ATXN1: variants seen among roughly 807,000 people sequenced by gnomAD.
ATXN1 encodes the protein ataxin 1.
A neutral mutation model predicts 56.4 loss-of-function variants in ATXN1; 8 were observed. The observed-to-expected ratio is 0.14, with a 90% CI of 0.08 to 0.26. The LOEUF is 0.26. ATXN1 is among the 10% of genes least tolerant of loss of function. ATXN1 has a pLI of 1.00. For synonymous variants in ATXN1, 514 were observed against 494.6 expected (o/e 1.04, Z -0.52); for missense variants, 987 against 1,106.5 (o/e 0.89, Z 1.53).
At chr6:16,331,325 A>G (rs1411708646) in intron 6 of ATXN1, among the ~76,000 whole-genome samples, 2 of 152,210 alleles carry the variant, frequency 1.3e-5, no homozygotes, top group African/African-American at 4.8e-5. Flanking sequence ...GTAAGTGACA[A>G]ATAACTGTGT....
At chr6:16,753,693 A>T (rs1214020923) in intron 1 of ATXN1, among the ~76,000 whole-genome samples, 1 of 152,248 alleles carries the variant, frequency 6.6e-6, no homozygotes, top group East Asian at 1.9e-4. Flanking sequence ...AAGGAGTATC[A>T]GGTGAAAATG....
chr6:16,564,862 C>A (rs983269015), intron 4 of ATXN1, among the ~76,000 whole-genome samples: 3 of 151,688 alleles, frequency 2.0e-5, no homozygotes, highest in Admixed American at 2.0e-4. Flanking sequence ...TTTAAATAAG[C>A]TATGCAGTCC....
In ATXN1 at chr6:16,307,675, CAA is replaced by C. The variant is rs60689654; in HGVS notation, c.1918-818_1918-817del. ...TGGGCCACAGAGTGAGACTCCGTCTCAAAAAAAAAAAAAAAAAGTCAATTTCC... is the reference window on the plus strand; with the variant it reads ...TGGGCCACAGAGTGAGACTCCGTCTCAAAAAAAAAAAAAAAGTCAATTTCC... On this transcript the variant is annotated intron_variant, in intron 7 of 7. Transcript: ENST00000436367. Among the ~76,000 whole-genome samples the C allele has an allele frequency of 4.1e-3, 387 of 94,986 alleles. 2 individuals carry two copies. Among genetic ancestry groups the C allele is most frequent in the Non-Finnish European group, 6.6e-3 (295 of 44,476 alleles). 62.3% of individuals were successfully genotyped at this position (94,986 alleles called of 152,430 possible).
intron 6 of ATXN1, among the ~76,000 whole-genome samples, chr6:16,339,509 C>T (rs1414635622): frequency 6.6e-6 from 1 of 152,174 alleles, no homozygotes; most frequent in Non-Finnish European, 1.5e-5. Context: ...TGCAAAGACC[C>T]CAAGACCTCC....
chr6:16,524,435 C>A (rs1274361041), intron 4 of ATXN1, among the ~76,000 whole-genome samples: 9 of 152,170 alleles, frequency 5.9e-5, no homozygotes, highest in Non-Finnish European at 1.2e-4. Flanking sequence ...CCTTTTCATC[C>A]TAACAACAGA....
intron 6 of ATXN1, among the ~76,000 whole-genome samples, chr6:16,357,490 A>T (rs550314077): frequency 3.9e-5 from 6 of 152,122 alleles, no homozygotes; most frequent in African/African-American, 1.4e-4. Flanking sequence ...GGCTGGTCTC[A>T]AACTCCTGAC....
intron 6 of ATXN1, among the ~76,000 whole-genome samples, chr6:16,452,893 G>A (rs1029260227): frequency 6.6e-6 from 1 of 152,214 alleles, no homozygotes; most frequent in Non-Finnish European, 1.5e-5. Flanking sequence ...GGATTCTGAT[G>A]AAAGTTTAGC....
chr6:16,594,613 T>C (rs190208), intron 3 of ATXN1, among the ~76,000 whole-genome samples: 3 of 151,826 alleles, frequency 2.0e-5, no homozygotes, highest in African/African-American at 4.8e-5. Context: ...CTCCCGAGTA[T>C]CTGGGACTAC....
chr6:16,635,914 G>T (rs1035015252), intron 3 of ATXN1, among the ~76,000 whole-genome samples: 51 of 152,172 alleles, frequency 3.4e-4, no homozygotes, highest in African/African-American at 1.2e-3. Context: ...AGCACAGTCC[G>T]TGCAAGGGAA....
intron 6 of ATXN1, among the ~76,000 whole-genome samples, chr6:16,480,846 T>C (rs1760424057): frequency 6.6e-6 from 1 of 152,114 alleles, no homozygotes; most frequent in African/African-American, 2.4e-5. Context: ...AGCTGAGTAC[T>C]TGAGGAAGAA....
At chr6:16,638,626 C>G (rs1763645013) in intron 3 of ATXN1, among the ~76,000 whole-genome samples, 1 of 152,104 alleles carries the variant, frequency 6.6e-6, no homozygotes, top group Admixed American at 6.6e-5. Flanking sequence ...TATAAATGAC[C>G]AAGATCAACA....
intron 2 of ATXN1, among the ~76,000 whole-genome samples, chr6:16,700,022 C>A (rs1349855978): frequency 6.6e-6 from 1 of 152,176 alleles, no homozygotes; most frequent in African/African-American, 2.4e-5. Flanking sequence ...TATTCCAAGT[C>A]ACAAAATAAA....
At chr6:16,759,044 A>AG (rs964922113) in intron 1 of ATXN1, among the ~76,000 whole-genome samples, 52 of 152,348 alleles carry the variant, frequency 3.4e-4, no homozygotes, top group African/African-American at 1.2e-3. Flanking sequence ...GGTGGGCTTA[A>AG]GGGGGGCTTC....
In ATXN1 at chr6:16,380,262, T is replaced by A. The variant is rs1211215416; in HGVS notation, c.-160-51792A>T. Reference sequence around the variant, plus strand: ...ACCCACGGAACAGAGACTCTCCTAGTCATCTGTTCACAAACTTTCAGTGAG... The same window carrying A: ...ACCCACGGAACAGAGACTCTCCTAGACATCTGTTCACAAACTTTCAGTGAG... On this transcript the variant is annotated intron_variant, in intron 6 of 7. Transcript: ENST00000436367. Among the ~76,000 whole-genome samples the A allele has an allele frequency of 2.6e-5, 4 of 152,188 alleles. No individual in the cohort carries two copies. In the East Asian group the frequency reaches 7.7e-4, roughly 29 times the overall value.
intron 6 of ATXN1, among the ~76,000 whole-genome samples, chr6:16,349,741 AT>A (rs112246571): frequency 9.2e-5 from 14 of 151,762 alleles, no homozygotes; most frequent in South Asian, 2.1e-4. Flanking sequence ...TAGTGCACTG[AT>A]TTTTTTTTCC....
intron 6 of ATXN1, among the ~76,000 whole-genome samples, chr6:16,390,624 G>A (rs148848787): frequency 4.6e-5 from 7 of 151,484 alleles, no homozygotes; most frequent in Non-Finnish European, 2.9e-5. Flanking sequence ...TGGTAGTGGC[G>A]TTAATCCATT....
chr6:16,611,489 T>C (rs1416059296), intron 3 of ATXN1, among the ~76,000 whole-genome samples: 1 of 152,154 alleles, frequency 6.6e-6, no homozygotes. Context: ...TATTAATTCG[T>C]TTTGAAAAGC....
chr6:16,576,494 T>C (rs941958497), intron 4 of ATXN1, among the ~76,000 whole-genome samples: 3 of 152,256 alleles, frequency 2.0e-5, no homozygotes, highest in African/African-American at 7.2e-5. Flanking sequence ...TTCAGACACT[T>C]ATTGACACTT....
chr6:16,330,461 C>T (rs1760958417), intron 6 of ATXN1, among the ~76,000 whole-genome samples: 1 of 141,570 alleles, frequency 7.1e-6, no homozygotes, highest in African/African-American at 2.7e-5. Flanking sequence ...GTGATCTCGG[C>T]TTGCTGCAAC....
Sources: gnomAD v4.1 joint callset for allele counts (sites outside exome capture counted in the v4.1 genomes callset) on GRCh38, gnomAD v4.1.1 for gene constraint, MANE v1.5 for transcripts, NCBI Gene and HGNC (gene_info 2026-07-23, HGNC 2026-07-21) for gene names.